Variants in MAML2 observed in about 807,000 individuals in gnomAD.
The protein encoded by MAML2 is mastermind like transcriptional coactivator 2.
Under a neutral mutation model 96.1 loss-of-function variants are expected in MAML2, and 22 were observed. The ratio of observed to expected loss-of-function variants is 0.23; its 90% CI spans 0.16 to 0.33. The LOEUF (loss-of-function observed/expected upper bound fraction) is 0.33. Ranked by LOEUF, MAML2 falls within the 10% of genes least tolerant of loss-of-function variation. MAML2 has a pLI of 1.00. For missense variants in MAML2, 1,367 were observed against 1,392.4 expected (o/e 0.98, Z 0.29); for synonymous variants, 561 against 521.3 (o/e 1.08, Z -1.04).
rs369093806 is a variant in MAML2, at chr11:96,110,251, G to C, written c.514-16734C>G. ...TAAAAGCTCTACTGGAGGAAGGAGAGAGAGGACAGTGGCTAGAGAGAGTTA... is the reference window on the plus strand; with the variant it reads ...TAAAAGCTCTACTGGAGGAAGGAGACAGAGGACAGTGGCTAGAGAGAGTTA... On this transcript the variant is annotated intron_variant, in intron 1 of 4. Transcript: ENST00000524717. Among the ~76,000 whole-genome samples the C allele has an allele frequency of 2.1e-3, 316 of 152,330 alleles. 1 individual carries two copies. The highest frequency in any genetic ancestry group is 7.0e-3 in the African/African-American group (293 of 41,580).
At chr11:96,184,301 G>A (rs557206251) in intron 1 of MAML2, among the ~76,000 whole-genome samples, 6 of 152,068 alleles carry the variant, frequency 3.9e-5, no homozygotes, top group South Asian at 2.1e-4. Context: ...ATTAGTGGGC[G>A]TGGTGGCACA....
chr11:96,304,677 T>C (rs543259039), intron 1 of MAML2, among the ~76,000 whole-genome samples: 1 of 152,260 alleles, frequency 6.6e-6, no homozygotes, highest in African/African-American at 2.4e-5. Flanking sequence ...TTTTTGTACA[T>C]CTGCAAGTAA....
intron 1 of MAML2, among the ~76,000 whole-genome samples, chr11:96,190,468 A>G (rs572047511): frequency 2.0e-5 from 3 of 152,368 alleles, no homozygotes; most frequent in South Asian, 4.1e-4. Flanking sequence ...CAGCCAATCC[A>G]TGAAAGAATG....
rs541948604 is a variant in MAML2, at chr11:96,049,360, A to T, written c.2139+42532T>A. ...TTGTCTCACATATATTTTCATCCAAATTTAACTTTCTTTCCATTTCAATAA... is the reference window on the plus strand; with the variant it reads ...TTGTCTCACATATATTTTCATCCAATTTTAACTTTCTTTCCATTTCAATAA... On this transcript the variant is annotated intron_variant, in intron 2 of 4. Transcript: ENST00000524717. 5.3e-5 allele frequency among the ~76,000 whole-genome samples: 8 copies of T among 152,350 alleles called. No homozygotes were observed. In the South Asian group the frequency reaches 1.2e-3, roughly 24 times the overall value.
intron 1 of MAML2, among the ~76,000 whole-genome samples, chr11:96,282,265 T>A (rs147075562): frequency 0.2 from 29,675 of 146,608 alleles, 3,475 homozygotes; most frequent in Non-Finnish European, 0.26. Context: ...AAAATAATAA[T>A]AATAATAATA....
At chr11:96,259,401 G>A (rs1034613799) in intron 1 of MAML2, among the ~76,000 whole-genome samples, 4 of 152,154 alleles carry the variant, frequency 2.6e-5, no homozygotes, top group African/African-American at 7.2e-5. Context: ...AATGTGCTTC[G>A]CTCCAATGCT....
At chr11:95,982,955 C>A (rs1272842216) in intron 4 of MAML2, among the ~76,000 whole-genome samples, 4 of 152,148 alleles carry the variant, frequency 2.6e-5, no homozygotes, top group Admixed American at 6.6e-5. Context: ...ACATATGTAA[C>A]ATTTTTTATC....
At chr11:96,160,217 G>A (rs972387304) in intron 1 of MAML2, among the ~76,000 whole-genome samples, 78 of 152,068 alleles carry the variant, frequency 5.1e-4, no homozygotes, top group Non-Finnish European at 1.1e-3. Context: ...ATCAAGGCAC[G>A]GGGGAAGAGC....
chr11:96,082,991 A>C (rs1027570104), intron 2 of MAML2, among the ~76,000 whole-genome samples: 9 of 152,188 alleles, frequency 5.9e-5, no homozygotes, highest in Non-Finnish European at 1.2e-4. Flanking sequence ...TGAAGATAGA[A>C]AGGAGAGAGT....
chr11:96,189,505 C>T (rs757157935), intron 1 of MAML2, among the ~76,000 whole-genome samples: 1 of 152,178 alleles, frequency 6.6e-6, no homozygotes, highest in Non-Finnish European at 1.5e-5. Context: ...TAGTCTCTTA[C>T]CACTATGACT....
Position 96,341,533 on chromosome 11 carries a change from T to C in MAML2, c.363A>G (p.Thr121=), listed in dbSNP as rs1249355019. 5.8e-6 allele frequency: 9 copies of C among 1,550,258 alleles called. No individual in the cohort carries two copies. The highest frequency in any genetic ancestry group is 1.4e-5 in the African/African-American group (1 of 72,552). ...AGTCTGGTGGGGGCGGTGGGGCTGC[T>C]GTTGCTGCTGCTTGGGAGGCCGCAG... The part of the protein sequence containing the change: ...APPAASQAAA[T]AAPPPPPDYH... The change falls in exon 1 of 5, where the codon ACA becomes ACG. Residue 121 remains threonine (T), a synonymous_variant. Transcript: ENST00000524717.
chr11:96,008,625 A>G (rs1858223606), intron 2 of MAML2, among the ~76,000 whole-genome samples: 1 of 152,236 alleles, frequency 6.6e-6, no homozygotes, highest in Non-Finnish European at 1.5e-5. Flanking sequence ...GAAGAAAAAC[A>G]AAAACAAGTT....
chr11:96,022,164 C>T (rs538985888), intron 2 of MAML2, among the ~76,000 whole-genome samples: 1 of 152,178 alleles, frequency 6.6e-6, no homozygotes, highest in Admixed American at 6.5e-5. Flanking sequence ...GGTCAGGGCA[C>T]CCTGAAGAAA....
At chr11:96,272,330 A>G (rs1401422862) in intron 1 of MAML2, among the ~76,000 whole-genome samples, 1 of 152,194 alleles carries the variant, frequency 6.6e-6, no homozygotes, top group Admixed American at 6.5e-5. Context: ...TTAAATTTCA[A>G]TTGTTACATA....
chr11:96,272,148 C>T (rs1339525968), intron 1 of MAML2, among the ~76,000 whole-genome samples: 2 of 152,066 alleles, frequency 1.3e-5, no homozygotes, highest in Non-Finnish European at 2.9e-5. Flanking sequence ...TACCACAACA[C>T]GTGCCACCAT....
intron 1 of MAML2, among the ~76,000 whole-genome samples, chr11:96,304,109 A>T (rs1863430980): frequency 6.6e-6 from 1 of 152,106 alleles, no homozygotes; most frequent in African/African-American, 2.4e-5. Flanking sequence ...TCTCCCGTTA[A>T]ATCTGTGAAA....
At chr11:96,086,351 G>T (rs1859613306) in intron 2 of MAML2, among the ~76,000 whole-genome samples, 2 of 152,108 alleles carry the variant, frequency 1.3e-5, no homozygotes, top group African/African-American at 4.8e-5. Context: ...AATTTGAATG[G>T]ATGATGTTAA....
At chr11:96,281,686 A>G (rs1863069220) in intron 1 of MAML2, among the ~76,000 whole-genome samples, 1 of 152,088 alleles carries the variant, frequency 6.6e-6, no homozygotes, top group African/African-American at 2.4e-5. Context: ...TATGGGCAAC[A>G]TGGCAAAATC....
chr11:96,308,088 G>A (rs747243199), intron 1 of MAML2, among the ~76,000 whole-genome samples: 16 of 152,132 alleles, frequency 1.1e-4, no homozygotes, highest in Non-Finnish European at 1.9e-4. Context: ...CTTACACAGT[G>A]TTATAGTTTA....
Sources: gnomAD v4.1 joint callset for allele counts (sites outside exome capture counted in the v4.1 genomes callset) on GRCh38, gnomAD v4.1.1 for gene constraint, MANE v1.5 for transcripts, NCBI Gene and HGNC (gene_info 2026-07-23, HGNC 2026-07-21) for gene names.